Variants in RSF1 observed in about 807,000 individuals in gnomAD.
RSF1 encodes remodeling and spacing factor 1, also known as HBV pX-associated protein 8.
A neutral mutation model predicts 145.2 loss-of-function variants in RSF1; 13 were observed. That is an observed-to-expected ratio of 0.09 (90% CI 0.06 to 0.14). The LOEUF (loss-of-function observed/expected upper bound fraction) is 0.14. Among genes scored for constraint, RSF1 ranks in the 10% least tolerant of loss-of-function variants. RSF1 has a pLI of 1.00. For missense variants in RSF1, 1,517 were observed against 1,718.2 expected, an observed-to-expected ratio of 0.88 and a Z score of 2.07; for synonymous variants, 577 against 592.6, an observed-to-expected ratio of 0.97 and a Z score of 0.38.
chr11:77,832,863 AAGAC>A, the RSF1 span, among the ~76,000 whole-genome samples: 1 of 151,244 alleles, frequency 6.6e-6, no homozygotes, highest in Non-Finnish European at 1.5e-5. Context: ...AGTATTGTGA[AAGAC>A]AGTTTTTCCA....
At chr11:77,690,251 G>T (rs909054257) in intron 9 of RSF1, among the ~76,000 whole-genome samples, 2 of 151,560 alleles carry the variant, frequency 1.3e-5, no homozygotes, top group African/African-American at 4.8e-5. Context: ...ATCTCTTACA[G>T]TCAGTAGGAC....
upstream of RSF1, among the ~76,000 whole-genome samples, chr11:77,823,757 A>C (rs1308571444): frequency 1.3e-5 from 2 of 152,150 alleles, no homozygotes; most frequent in Non-Finnish European, 2.9e-5. Context: ...GGATATTTTA[A>C]AATAAAATTG....
intron 9 of RSF1, among the ~76,000 whole-genome samples, chr11:77,686,830 T>C (rs539571536): frequency 2.6e-5 from 4 of 152,308 alleles, no homozygotes; most frequent in South Asian, 2.1e-4. Context: ...GAGACCTCTA[T>C]GGTAAAGACC....
At chr11:77,763,656 T>C (rs1948198048) in intron 2 of RSF1, 1 of 152,106 alleles carries the variant, frequency 6.6e-6, no homozygotes, top group Non-Finnish European at 1.5e-5. Context: ...GTTTCTAAAA[T>C]AGGGTTAAAC....
chr11:77,685,049 T>C, intron 10 of RSF1, 56 bp downstream of exon 10: 1 of 982,120 alleles, frequency 1.0e-6, no homozygotes, highest in South Asian at 1.9e-5. Flanking sequence ...GTGGGTAAAA[T>C]TTTAGAGCAA....
Position 77,701,677 on chromosome 11 carries a change from A to C in RSF1, c.1552T>G (p.Ser518Ala), listed in dbSNP as rs766221432. 6 of 1,613,942 alleles carry C rather than the reference A, an allele frequency of 3.7e-6. No homozygotes were observed. In the East Asian group the frequency reaches 1.3e-4, roughly 36 times the overall value. The part of the protein sequence containing the change: ...PLRKDADSSI[S>A]VLEIHSQKAQ... ...TTTTGACTATGGATCTCTAAGACTG[A>C]TATTGAACTATCTGCATCTTTCCTC... is the stretch of plus-strand genomic sequence containing the variant. The change falls in exon 6 of 16, where the codon TCA (serine) becomes GCA (alanine). Residue 518 changes from serine to alanine, a missense_variant. By Grantham distance (99) the Ser-to-Ala change is moderately conservative (BLOSUM62 1). This residue lies in a region of RSF1 where 579 missense variants were observed against 553.5 expected (regional missense o/e 1.05). Transcript: ENST00000308488.
At position 77,759,768 on chromosome 11, in the gene RSF1, C is replaced by G. The variant is rs188061542; in HGVS notation, c.279+4830G>C. 3.5e-4 allele frequency among the ~76,000 whole-genome samples: 53 copies of G among 151,008 alleles called. No individual in the cohort carries two copies. In the East Asian group the frequency reaches 6.5e-3, roughly 18 times the overall value. ...CAGACAAGCCTGTGTTCAATCCTTG[C>G]TTCACCATCTGGTGTCTATGTGACT... On this transcript the variant is annotated intron_variant, in intron 2 of 15. Coordinates refer to ENST00000308488, the MANE Select transcript of RSF1 (RefSeq NM_016578.4).
At chr11:77,825,015 C>CT (rs1176110641), upstream of RSF1, among the ~76,000 whole-genome samples, 1 of 152,128 alleles carries the variant, frequency 6.6e-6, no homozygotes, top group African/African-American at 2.4e-5. Flanking sequence ...GAGTCTCACT[C>CT]TATCACCCAG....
At chr11:77,723,128 G>T (rs1416449949) in intron 5 of RSF1, among the ~76,000 whole-genome samples, 2 of 152,132 alleles carry the variant, frequency 1.3e-5, no homozygotes, top group African/African-American at 2.4e-5. Context: ...TACTAAAAAA[G>T]AATAGAAATT....
At chr11:77,727,921 C>T (rs1017929511) in intron 4 of RSF1, among the ~76,000 whole-genome samples, 3 of 152,198 alleles carry the variant, frequency 2.0e-5, no homozygotes, top group South Asian at 2.1e-4. Flanking sequence ...AACTACCCAT[C>T]TTTGGGTTTT....
At chr11:77,772,518 A>G (rs1312373074) in intron 1 of RSF1, among the ~76,000 whole-genome samples, 1 of 152,150 alleles carries the variant, frequency 6.6e-6, no homozygotes, top group East Asian at 1.9e-4. Context: ...ATATCACTTA[A>G]AAACCTGCAC....
At chr11:77,696,705 G>A (rs956708112) in intron 7 of RSF1, among the ~76,000 whole-genome samples, 2 of 152,114 alleles carry the variant, frequency 1.3e-5, no homozygotes, top group African/African-American at 2.4e-5. Flanking sequence ...TGATTTAGAA[G>A]GCAGAAAAGA....
rs751751868 is a variant in RSF1, at chr11:77,691,166, C to T, written c.2893G>A (p.Glu965Lys). 5 of 1,613,788 alleles carry T rather than the reference C, an allele frequency of 3.1e-6. No individual in the cohort carries two copies. The highest frequency in any genetic ancestry group is 1.1e-5 in the South Asian group (1 of 91,070). The change falls in exon 9 of 16, where the codon GAA (glutamate) becomes AAA (lysine). Residue 965 changes from glutamate to lysine, a missense_variant. Transcript: ENST00000308488. ...ACACACATATAAAAATACCTTCGTT[C>T]GGCACGCTCTTTCTTCTTTAAGGCA... Reference protein sequence around the residue: ...DVALKKKERAERRKERLVYVG... With the variant: ...DVALKKKERAKRRKERLVYVG...
chr11:77,755,654 A>G (rs796943257), intron 2 of RSF1, among the ~76,000 whole-genome samples: 2 of 151,678 alleles, frequency 1.3e-5, no homozygotes, highest in African/African-American at 4.8e-5. Flanking sequence ...ATCTCAGCTC[A>G]CTGCAACCTC....
chr11:77,787,392 AG>A (rs1422297313), intron 1 of RSF1, among the ~76,000 whole-genome samples: 1 of 152,206 alleles, frequency 6.6e-6, no homozygotes, highest in African/African-American at 2.4e-5. Context: ...GGTAAAAAAA[AG>A]AACATTTCAT....
chr11:77,714,843 A>G (rs1269858630), intron 5 of RSF1, among the ~76,000 whole-genome samples: 1 of 143,508 alleles, frequency 7.0e-6, no homozygotes, highest in Non-Finnish European at 1.5e-5. Context: ...CCTTGTCTTT[A>G]AAAAAAAAAA....
chr11:77,700,310 C>T (rs1289074139), intron 6 of RSF1, among the ~76,000 whole-genome samples: 1 of 129,002 alleles, frequency 7.8e-6, no homozygotes, highest in Non-Finnish European at 1.6e-5. Flanking sequence ...GAGATAGTGC[C>T]ATTGCACTCC....
chr11:77,830,987 C>CAAAAAAAAAAAAAAAA, the RSF1 span, among the ~76,000 whole-genome samples: 2 of 100,508 alleles, frequency 2.0e-5, no homozygotes, highest in Non-Finnish European at 4.1e-5. Flanking sequence ...CAAAATATAC[C>CAAAAAAAAAAAAAAAA]AAAAAAAAAA....
At chr11:77,869,843 C>T in the RSF1 span, 1 of 1,604,140 alleles carries the variant, frequency 6.2e-7, no homozygotes. Context: ...CACAGCATTC[C>T]TGAGGACAGG....
Sources: gnomAD v4.1 joint callset for allele counts (sites outside exome capture counted in the v4.1 genomes callset) on GRCh38, gnomAD v4.1.1 for gene constraint, gnomAD v4.1.1 regional missense constraint, MANE v1.5 for transcripts, NCBI Gene and HGNC (gene_info 2026-07-23, HGNC 2026-07-21) for gene names.